Variants in KCND2 observed in about 807,000 individuals in gnomAD.
The protein encoded by KCND2 is potassium voltage-gated channel subfamily D member 2.
A neutral mutation model predicts 54.4 loss-of-function variants in KCND2; 16 were observed. That is an observed-to-expected ratio of 0.29 (90% CI 0.20 to 0.45). The LOEUF is 0.45. Among genes scored for constraint, KCND2 ranks in the 20% least tolerant of loss-of-function variants. The pLI, the probability that KCND2 is intolerant of heterozygous loss-of-function variation, is 1.00. For synonymous variants in KCND2, 317 were observed against 310.7 expected, an observed-to-expected ratio of 1.02 and a Z score of -0.21; for missense variants, 486 against 824.2, an observed-to-expected ratio of 0.59 and a Z score of 5.02.
At chr7:120,554,134 C>A (rs1355356641) in intron 1 of KCND2, among the ~76,000 whole-genome samples, 3 of 152,192 alleles carry the variant, frequency 2.0e-5, no homozygotes, top group Non-Finnish European at 4.4e-5. Flanking sequence ...GCCACAAATA[C>A]ACACCAAATA....
intron 1 of KCND2, among the ~76,000 whole-genome samples, chr7:120,698,336 T>C (rs752295159): frequency 2.6e-5 from 4 of 152,202 alleles, no homozygotes; most frequent in Non-Finnish European, 5.9e-5. Flanking sequence ...AGCCAGGTGG[T>C]GGGCTTAAGT....
At chr7:120,283,813 T>C (rs930395122) in intron 1 of KCND2, among the ~76,000 whole-genome samples, 1 of 152,168 alleles carries the variant, frequency 6.6e-6, no homozygotes, top group African/African-American at 2.4e-5. Context: ...AGTAGGTACA[T>C]ATATATCTTT....
intron 2 of KCND2, among the ~76,000 whole-genome samples, chr7:120,737,035 TACACACACACACACACACAC>T (rs768582158): frequency 2.0e-5 from 2 of 98,768 alleles, no homozygotes; most frequent in South Asian, 3.5e-4. Context: ...CTGGAAAGCT[TACACACACACACACACACAC>T]ACACACACAC....
intron 1 of KCND2, among the ~76,000 whole-genome samples, chr7:120,504,847 G>A (rs1245068175): frequency 6.6e-6 from 1 of 151,450 alleles, no homozygotes; most frequent in African/African-American, 2.4e-5. Flanking sequence ...GCTTCTGCTT[G>A]TAGAATTCCA....
intron 1 of KCND2, among the ~76,000 whole-genome samples, chr7:120,286,694 A>G (rs1370315848): frequency 6.6e-6 from 1 of 152,000 alleles, no homozygotes; most frequent in Non-Finnish European, 1.5e-5. Context: ...GTCACCATAC[A>G]AAACATATTT....
At chr7:120,513,905 A>C (rs1179850404) in intron 1 of KCND2, among the ~76,000 whole-genome samples, 6 of 152,118 alleles carry the variant, frequency 3.9e-5, no homozygotes, top group Non-Finnish European at 7.4e-5. Flanking sequence ...AATTTGATTT[A>C]AACCATGCCA....
chr7:120,429,294 G>T lies in KCND2; in HGVS notation c.1115+153547G>T, dbSNP rs80171252. ...GGCAGTTAAACAGTAATCAATTGTTGTAGTCATTGTATTCATCACTTACAA... is the reference window on the plus strand; with the variant it reads ...GGCAGTTAAACAGTAATCAATTGTTTTAGTCATTGTATTCATCACTTACAA... On this transcript the variant is annotated intron_variant, in intron 1 of 5. Transcript: ENST00000331113. 4.3e-3 allele frequency among the ~76,000 whole-genome samples: 648 copies of T among 152,278 alleles called. 8 individuals are homozygous for T. The highest frequency in any genetic ancestry group is 0.015 in the African/African-American group (634 of 41,554).
intron 1 of KCND2, among the ~76,000 whole-genome samples, chr7:120,304,125 C>A (rs1799619457): frequency 6.6e-6 from 1 of 152,120 alleles, no homozygotes; most frequent in Admixed American, 6.6e-5. Context: ...CAGGGCCAAT[C>A]TGTCACTACC....
chr7:120,616,429 G>T (rs1455116486), intron 1 of KCND2, among the ~76,000 whole-genome samples: 2 of 152,108 alleles, frequency 1.3e-5, no homozygotes, highest in Admixed American at 1.3e-4. Context: ...TTATTATCTT[G>T]AAGGAATGTC....
chr7:120,452,973 A>G (rs1004593217), intron 1 of KCND2, among the ~76,000 whole-genome samples: 4 of 152,088 alleles, frequency 2.6e-5, no homozygotes, highest in African/African-American at 9.7e-5. Flanking sequence ...ATGGCCTCAG[A>G]TGCTCAAACG....
intron 1 of KCND2, among the ~76,000 whole-genome samples, chr7:120,520,605 A>G (rs1791676563): frequency 6.6e-6 from 1 of 152,146 alleles, no homozygotes; most frequent in African/African-American, 2.4e-5. Context: ...AAGAATAGAG[A>G]ATATATAATA....
chr7:120,482,690 A>G (rs1802624036), intron 1 of KCND2, among the ~76,000 whole-genome samples: 1 of 152,066 alleles, frequency 6.6e-6, no homozygotes, highest in African/African-American at 2.4e-5. Context: ...CCACAGGATG[A>G]CCCTTGACAG....
At chr7:120,335,729 C>T (rs1800142542) in intron 1 of KCND2, among the ~76,000 whole-genome samples, 1 of 152,114 alleles carries the variant, frequency 6.6e-6, no homozygotes, top group Non-Finnish European at 1.5e-5. Context: ...TTGTGATCCA[C>T]CTGCCTCGTC....
chr7:120,374,493 T>G (rs974118461), intron 1 of KCND2, among the ~76,000 whole-genome samples: 18 of 151,814 alleles, frequency 1.2e-4, no homozygotes, highest in African/African-American at 4.3e-4. Context: ...GTTGAATTAC[T>G]TCAAGTACCT....
chr7:120,545,883 A>G (rs1463058988), intron 1 of KCND2, among the ~76,000 whole-genome samples: 1 of 151,704 alleles, frequency 6.6e-6, no homozygotes, highest in Non-Finnish European at 1.5e-5. Context: ...AAAAAGAAGA[A>G]GAGGAAATCC....
At chr7:120,458,943 C>T (rs1802241151) in intron 1 of KCND2, among the ~76,000 whole-genome samples, 1 of 151,082 alleles carries the variant, frequency 6.6e-6, no homozygotes, top group Non-Finnish European at 1.5e-5. Context: ...CATATAATTT[C>T]TAGGAAACAT....
chr7:120,570,927 A>G (rs570452664), intron 1 of KCND2, among the ~76,000 whole-genome samples: 4 of 152,292 alleles, frequency 2.6e-5, no homozygotes, highest in African/African-American at 9.6e-5. Flanking sequence ...TAATAATGTT[A>G]TAAATGCTTG....
chr7:120,550,407 G>C (rs1398165372), intron 1 of KCND2, among the ~76,000 whole-genome samples: 2 of 152,008 alleles, frequency 1.3e-5, no homozygotes, highest in African/African-American at 2.4e-5. Flanking sequence ...AAAATGGTTG[G>C]AATTGCCCAT....
At chr7:120,618,267 T>A (rs1793053987) in intron 1 of KCND2, among the ~76,000 whole-genome samples, 1 of 151,696 alleles carries the variant, frequency 6.6e-6, no homozygotes, top group Non-Finnish European at 1.5e-5. Flanking sequence ...CTATAAAACA[T>A]AATTACACAC....
Sources: allele counts gnomAD v4.1 joint callset (sites outside exome capture counted in the v4.1 genomes callset), GRCh38; gene constraint gnomAD v4.1.1; transcripts MANE v1.5; gene names NCBI Gene and HGNC (gene_info 2026-07-23, HGNC 2026-07-21).